GRIK4: variants seen among roughly 807,000 people sequenced by gnomAD.
GRIK4 encodes the protein glutamate receptor ionotropic, kainate 4.
Under a neutral mutation model 104.9 loss-of-function variants are expected in GRIK4, and 40 were observed. The ratio of observed to expected loss-of-function variants is 0.38; its 90% CI spans 0.30 to 0.50. The LOEUF is 0.50. GRIK4 is among the 20% of genes least tolerant of loss of function. GRIK4 has a pLI of 0.93. For synonymous variants in GRIK4, 485 were observed against 524.9 expected, an observed-to-expected ratio of 0.92 and a Z score of 1.04; for missense variants, 1,047 against 1,308.1, an observed-to-expected ratio of 0.80 and a Z score of 3.08.
intron 1 of GRIK4, among the ~76,000 whole-genome samples, chr11:120,559,926 C>T (rs1419022376): frequency 6.6e-6 from 1 of 152,140 alleles, no homozygotes; most frequent in Non-Finnish European, 1.5e-5. Flanking sequence ...GAGAGGGTCT[C>T]TCTGGTTTGT....
chr11:120,951,146 TATTTCC>T (rs1943990895), intron 14 of GRIK4, among the ~76,000 whole-genome samples: 1 of 152,104 alleles, frequency 6.6e-6, no homozygotes, highest in African/African-American at 2.4e-5. Flanking sequence ...AGAGGATGAG[TATTTCC>T]ATCCTCTCCG....
intron 7 of GRIK4, among the ~76,000 whole-genome samples, chr11:120,834,203 A>G (rs1953510793): frequency 6.6e-6 from 1 of 152,160 alleles, no homozygotes; most frequent in Non-Finnish European, 1.5e-5. Context: ...CGCCAGCAGC[A>G]TATAGGTGTC....
At chr11:120,624,051 A>G (rs933316924) in intron 1 of GRIK4, among the ~76,000 whole-genome samples, 5 of 150,964 alleles carry the variant, frequency 3.3e-5, no homozygotes, top group Non-Finnish European at 7.4e-5. Flanking sequence ...TCATTTTGCC[A>G]TTCTAAGAGG....
At chr11:120,591,071 C>T (rs890968550) in intron 1 of GRIK4, among the ~76,000 whole-genome samples, 5 of 152,052 alleles carry the variant, frequency 3.3e-5, no homozygotes, top group African/African-American at 9.7e-5. Flanking sequence ...ACACTGGAAG[C>T]GTAAATGGAG....
At chr11:120,604,679 C>T (rs781566438) in intron 1 of GRIK4, among the ~76,000 whole-genome samples, 19 of 152,302 alleles carry the variant, frequency 1.2e-4, no homozygotes, top group East Asian at 9.6e-4. Flanking sequence ...CCCCTGTTAG[C>T]GATAAGCCAG....
At chr11:120,660,853 T>G (rs977838296) in intron 3 of GRIK4, among the ~76,000 whole-genome samples, 1 of 151,998 alleles carries the variant, frequency 6.6e-6, no homozygotes, top group African/African-American at 2.4e-5. Flanking sequence ...CCTGGCTGCT[T>G]GGAAGGGCCC....
chr11:120,652,626 G>T (rs537827700), intron 1 of GRIK4, among the ~76,000 whole-genome samples: 1 of 152,108 alleles, frequency 6.6e-6, no homozygotes, highest in African/African-American at 2.4e-5. Context: ...TGAGGAGCCT[G>T]GAGCATCAGG....
chr11:120,802,962 T>C, intron 4 of GRIK4, 105 bp downstream of exon 4: 4 of 993,782 alleles, frequency 4.0e-6, no homozygotes, highest in Non-Finnish European at 6.1e-6. Flanking sequence ...ATATCTGATG[T>C]CGATATTTCC....
intron 3 of GRIK4, among the ~76,000 whole-genome samples, chr11:120,737,471 AATT>A (rs1218297250): frequency 4.6e-5 from 7 of 152,236 alleles, no homozygotes; most frequent in African/African-American, 1.7e-4. Flanking sequence ...TCCAGCTGTC[AATT>A]TCAAGAATAC....
At chr11:120,607,699 C>A (rs1370936099) in intron 1 of GRIK4, among the ~76,000 whole-genome samples, 5 of 152,042 alleles carry the variant, frequency 3.3e-5, no homozygotes, top group Non-Finnish European at 1.5e-5. Context: ...GGGCGTGAGA[C>A]ACAGATTTGG....
intron 1 of GRIK4, among the ~76,000 whole-genome samples, chr11:120,612,347 G>T (rs942161012): frequency 1.3e-5 from 2 of 152,104 alleles, no homozygotes; most frequent in East Asian, 1.9e-4. Context: ...TCATTGTAAT[G>T]CTAGTTTTTC....
At position 120,580,165 on chromosome 11, in the gene GRIK4, A is replaced by G. The variant is rs117151476; in HGVS notation, c.-159+68278A>G. Among the ~76,000 whole-genome samples, 1,504 of 152,268 alleles carry G rather than the reference A, an allele frequency of 9.9e-3. 53 individuals carry two copies. The East Asian group carries it at 0.11, about 12-fold the overall frequency. ...TGTTTTCAGTTTTTGACAATTTCAA[A>G]TAAGGCTGTTCTACACATTTGAGTA... On this transcript the variant is annotated intron_variant, in intron 1 of 20. Transcript: ENST00000527524.
chr11:120,580,245 TTCTTTCTTTTTC>T (rs1948557591), intron 1 of GRIK4, among the ~76,000 whole-genome samples: 1 of 141,516 alleles, frequency 7.1e-6, no homozygotes, highest in Non-Finnish European at 1.5e-5. Context: ...CTTTCTTTCT[TTCTTTCTTTTTC>T]TTTCTTTCTT....
rs142153181 is a variant in GRIK4, at chr11:120,628,751, G to A, written c.-158-24934G>A. Among the ~76,000 whole-genome samples, 15 of 152,324 alleles carry A rather than the reference G, an allele frequency of 9.8e-5. 1 individual carries two copies. Among genetic ancestry groups the A allele is most frequent in the South Asian group, 6.2e-4 (3 of 4,820 alleles). ...CCATGGCTGTGGTTTCAGCTGTGGG[G>A]CAGAGGGACTTCTCCAGTGAGGGTG... On this transcript the variant is annotated intron_variant, in intron 1 of 20. Transcript: ENST00000527524.
At chr11:120,655,346 C>T (rs575803461) in intron 2 of GRIK4, among the ~76,000 whole-genome samples, 1 of 152,070 alleles carries the variant, frequency 6.6e-6, no homozygotes, top group African/African-American at 2.4e-5. Flanking sequence ...AAACACACAA[C>T]TTTTGTAGAG....
chr11:120,561,666 A>G (rs529225060), intron 1 of GRIK4, among the ~76,000 whole-genome samples: 1 of 152,356 alleles, frequency 6.6e-6, no homozygotes, highest in East Asian at 1.9e-4. Flanking sequence ...AACAGCAAAG[A>G]GAAGGCGATG....
intron 3 of GRIK4, among the ~76,000 whole-genome samples, chr11:120,693,829 G>T (rs940982863): frequency 1.3e-5 from 2 of 152,182 alleles, no homozygotes; most frequent in Non-Finnish European, 2.9e-5. Context: ...GCCGGGAGGG[G>T]CTCCTGCCAG....
intron 13 of GRIK4, among the ~76,000 whole-genome samples, chr11:120,938,547 G>T (rs1943647181): frequency 6.6e-6 from 1 of 152,182 alleles, no homozygotes; most frequent in Non-Finnish European, 1.5e-5. Context: ...TTTGCCAATG[G>T]ATTTATCCTT....
intron 1 of GRIK4, among the ~76,000 whole-genome samples, chr11:120,559,390 C>A (rs144735869): frequency 0.013 from 1,936 of 152,316 alleles, 35 homozygotes; most frequent in African/African-American, 0.044. Flanking sequence ...CAGACAGAAC[C>A]TATTCCTGTC....
Sources: allele counts gnomAD v4.1 joint callset (sites outside exome capture counted in the v4.1 genomes callset), GRCh38; gene constraint gnomAD v4.1.1; transcripts MANE v1.5; gene names NCBI Gene and HGNC (gene_info 2026-07-23, HGNC 2026-07-21).